The following RALYL variants were observed in gnomAD, a reference collection of about 807,000 sequenced individuals.
RALYL encodes the protein RNA-binding Raly-like protein.
RALYL carries 29 observed loss-of-function variants against 35.1 expected under a neutral mutation model. That is an observed-to-expected ratio of 0.83 (90% confidence interval 0.61 to 1.13). The LOEUF is 1.13. Among genes scored for constraint, RALYL ranks in the 50% most tolerant of loss-of-function variants. The probability of loss-of-function intolerance (pLI) is 0.00; values close to 1 mark genes in which losing one functional copy is unlikely to be tolerated. For synonymous variants in RALYL, 120 were observed against 127.6 expected (o/e 0.94, Z 0.40); for missense variants, 359 against 360.4 (o/e 1.00, Z 0.03).
chr8:84,728,820 T>C (rs1170912943), intron 2 of RALYL, among the ~76,000 whole-genome samples: 2 of 152,188 alleles, frequency 1.3e-5, no homozygotes, highest in Admixed American at 1.3e-4. Flanking sequence ...CTCTGTTCTG[T>C]TCCATTGATC....
At chr8:84,242,377 C>G (rs542944233) in intron 1 of RALYL, among the ~76,000 whole-genome samples, 29 of 152,250 alleles carry the variant, frequency 1.9e-4, no homozygotes, top group Middle Eastern at 3.4e-3. Context: ...ATTGCTGTGT[C>G]AGATTGGTAT....
chr8:84,366,475 G>T (rs772683946), intron 1 of RALYL, among the ~76,000 whole-genome samples: 3 of 152,036 alleles, frequency 2.0e-5, no homozygotes, highest in Non-Finnish European at 2.9e-5. Flanking sequence ...GATGGAAAAG[G>T]ATGTTTAAAA....
At chr8:84,800,933 G>A (rs113468688) in intron 3 of RALYL, among the ~76,000 whole-genome samples, 1 of 152,100 alleles carries the variant, frequency 6.6e-6, no homozygotes, top group Non-Finnish European at 1.5e-5. Flanking sequence ...CAGGAACAGT[G>A]CTAGATGCTC....
chr8:84,777,876 C>T (rs141814681), intron 3 of RALYL, among the ~76,000 whole-genome samples: 2,903 of 152,204 alleles, frequency 0.019, 89 homozygotes, highest in African/African-American at 0.064. Context: ...CTCCTGACCT[C>T]GTGATCCGCC....
chr8:84,488,214 G>A lies in RALYL; in HGVS notation c.-23-41085G>A, dbSNP rs375667766. ...TGATTTTCCCCCTTCAGCATAAGTT[G>A]TATGAGCAGCTTCACCAGTTCAGTG... On this transcript the variant is annotated intron_variant, in intron 1 of 8. Coordinates refer to ENST00000521268, the MANE Select transcript of RALYL (RefSeq NM_173848.7). Among the ~76,000 whole-genome samples, 21 of 152,116 alleles carry A rather than the reference G, an allele frequency of 1.4e-4. No homozygotes were observed. The East Asian group carries it at 3.1e-3, about 22-fold the overall frequency.
At chr8:84,756,075 T>C (rs185068487) in intron 2 of RALYL, among the ~76,000 whole-genome samples, 3 of 152,198 alleles carry the variant, frequency 2.0e-5, no homozygotes, top group East Asian at 1.9e-4. Context: ...TTGAGATTAG[T>C]AATATATCCA....
intron 2 of RALYL, among the ~76,000 whole-genome samples, chr8:84,765,662 C>T (rs141483904): frequency 2.6e-5 from 4 of 151,964 alleles, no homozygotes; most frequent in African/African-American, 7.2e-5. Flanking sequence ...TGGTTATGTC[C>T]GTTCACTTGT....
intron 1 of RALYL, among the ~76,000 whole-genome samples, chr8:84,401,349 T>C (rs1326753704): frequency 3.9e-5 from 6 of 152,006 alleles, no homozygotes; most frequent in Non-Finnish European, 8.8e-5. Context: ...TTTGAAAATA[T>C]GTAAGAGGCC....
At chr8:84,221,020 G>A (rs1265742423) in intron 1 of RALYL, among the ~76,000 whole-genome samples, 1 of 151,828 alleles carries the variant, frequency 6.6e-6, no homozygotes, top group Admixed American at 6.6e-5. Flanking sequence ...ATTCAGGTGA[G>A]GTAAGATATA....
intron 1 of RALYL, among the ~76,000 whole-genome samples, chr8:84,218,311 T>C (rs1345242870): frequency 6.6e-6 from 1 of 152,000 alleles, no homozygotes; most frequent in Admixed American, 6.6e-5. Context: ...AGCAGAAATA[T>C]TGCCCAAGTG....
intron 2 of RALYL, among the ~76,000 whole-genome samples, chr8:84,575,470 G>A (rs1288817983): frequency 1.3e-5 from 2 of 152,112 alleles, no homozygotes; most frequent in African/African-American, 4.8e-5. Context: ...ATGCGTTACT[G>A]CTGGTCAATA....
At position 84,921,428 on chromosome 8, in the gene RALYL, A is replaced by G. The variant is rs1849298040; in HGVS notation, c.*517A>G. 6.6e-6 allele frequency: 1 copy of G among 152,128 alleles called. No individual in the cohort carries two copies. The highest frequency in any genetic ancestry group is 1.5e-5 in the Non-Finnish European group (1 of 67,994). The allele number at this position is 152,128 out of a possible 1,614,324, so 9.4% of individuals were successfully genotyped here. A position where few individuals can be genotyped will look rare whatever the true frequency, so the allele number is the denominator to read the frequency against. ...ATGATAAAATACTTGAAAAAGTTAT[A>G]TTTCTGCCCTGTATAAGCACCCTTT... On this transcript the variant is annotated 3_prime_UTR_variant, in exon 9 of 9. Transcript: ENST00000521268.
Position 84,502,802 on chromosome 8 carries a change from C to T in RALYL, c.-23-26497C>T, listed in dbSNP as rs2056816732. On this transcript the variant is annotated intron_variant, in intron 1 of 8. Transcript: ENST00000521268. ...AATTTCATCGAGTATTGTAAAATTA[C>T]CTAAATAATGGCTTGATAAATTTTG... 2.0e-5 allele frequency among the ~76,000 whole-genome samples: 3 copies of T among 151,348 alleles called. No individual in the cohort carries two copies. The South Asian group carries it at 6.3e-4, about 32-fold the overall frequency.
intron 2 of RALYL, among the ~76,000 whole-genome samples, chr8:84,608,000 T>C (rs1442781283): frequency 6.6e-6 from 1 of 152,050 alleles, no homozygotes; most frequent in African/African-American, 2.4e-5. Context: ...CTCAGTCAAT[T>C]GCTGTGAAGT....
intron 1 of RALYL, among the ~76,000 whole-genome samples, chr8:84,429,079 C>G (rs1045864059): frequency 2.6e-5 from 4 of 152,010 alleles, no homozygotes; most frequent in African/African-American, 9.7e-5. Context: ...GGAAACAAAA[C>G]CAAAACCCCT....
At chr8:84,641,860 G>T (rs948740358) in intron 2 of RALYL, among the ~76,000 whole-genome samples, 1 of 148,862 alleles carries the variant, frequency 6.7e-6, no homozygotes, top group Non-Finnish European at 1.5e-5. Context: ...CAACCTTTAT[G>T]CCAAAACATT....
intron 1 of RALYL, among the ~76,000 whole-genome samples, chr8:84,488,528 C>T (rs545473440): frequency 6.6e-6 from 1 of 152,118 alleles, no homozygotes; most frequent in East Asian, 1.9e-4. Flanking sequence ...ACCTCTGAAC[C>T]TTGCTCCCTT....
intron 1 of RALYL, among the ~76,000 whole-genome samples, chr8:84,399,752 T>C (rs1231488324): frequency 6.6e-6 from 1 of 152,182 alleles, no homozygotes; most frequent in Non-Finnish European, 1.5e-5. Flanking sequence ...TGGTAAAGGA[T>C]TACCCATTAG....
intron 8 of RALYL, among the ~76,000 whole-genome samples, chr8:84,915,913 T>C (rs1482273704): frequency 1.3e-5 from 2 of 152,158 alleles, no homozygotes; most frequent in Non-Finnish European, 2.9e-5. Flanking sequence ...GTTAAAACTA[T>C]TACTGCACTA....
Sources: gnomAD v4.1 joint callset for allele counts (sites outside exome capture counted in the v4.1 genomes callset) on GRCh38, gnomAD v4.1.1 for gene constraint, MANE v1.5 for transcripts, NCBI Gene and HGNC (gene_info 2026-07-23, HGNC 2026-07-21) for gene names.